Variants in CDH19 observed in about 807,000 individuals in gnomAD.
CDH19 encodes the protein cadherin-19.
In CDH19, 67 loss-of-function variants were observed where a neutral mutation model predicts 64.2. The observed-to-expected ratio is 1.04, with a 90% confidence interval of 0.86 to 1.28. CDH19 has a LOEUF of 1.28. CDH19 is among the 50% of genes most tolerant of loss of function. The pLI, the probability that CDH19 is intolerant of heterozygous loss-of-function variation, is 0.00. For synonymous variants in CDH19, 346 were observed against 319.3 expected (o/e 1.08, Z -0.89); for missense variants, 1,030 against 929.0 (o/e 1.11, Z -1.41).
intron 9 of CDH19, among the ~76,000 whole-genome samples, chr18:66,523,359 T>C (rs1349666798): frequency 6.6e-6 from 1 of 152,026 alleles, no homozygotes; most frequent in Non-Finnish European, 1.5e-5. Context: ...TCTGAGAAAA[T>C]ATCAGAGGAC....
intron 1 of CDH19, chr18:66,596,290 T>A (rs1232668447): frequency 6.6e-6 from 1 of 152,122 alleles, no homozygotes; most frequent in East Asian, 1.9e-4. Context: ...CTATTTAATA[T>A]AGCTGTGGAA....
rs903101587 is a variant in CDH19 at position 66,553,058 on chromosome 18, C to T, written c.610+1347G>A. ...CGTGTATTCTGCCTTGACCACACAACATAAAGTCAACCTGACTTGTTTTCT... is the reference window on the plus strand; with the variant it reads ...CGTGTATTCTGCCTTGACCACACAATATAAAGTCAACCTGACTTGTTTTCT... On this transcript the variant is annotated intron_variant, in intron 4 of 11. Transcript: ENST00000262150. Among the ~76,000 whole-genome samples, 7 of 134,436 alleles carry T rather than the reference C, an allele frequency of 5.2e-5. 1 individual carries two copies. The highest frequency in any genetic ancestry group is 1.4e-4 in the Admixed American group (2 of 13,896). The allele number at this position is 134,436 out of a possible 152,430, so 88.2% of individuals were successfully genotyped here. A position where few individuals can be genotyped will look rare whatever the true frequency, so the allele number is the denominator to read the frequency against.
intron 9 of CDH19, among the ~76,000 whole-genome samples, chr18:66,520,835 C>T (rs1227719006): frequency 6.6e-6 from 1 of 151,958 alleles, no homozygotes; most frequent in Non-Finnish European, 1.5e-5. Context: ...GAAAACGTTG[C>T]TCCTGTAGGA....
At position 66,568,581 on chromosome 18, in the gene CDH19, C is replaced by G; in HGVS notation, c.325G>C (p.Glu109Gln). 1 of 1,612,132 alleles carries G rather than the reference C, an allele frequency of 6.2e-7. No homozygotes were observed. The highest frequency in any genetic ancestry group is 1.3e-5 in the African/African-American group (1 of 74,856). Reference sequence around the variant, plus strand: ...GCTCTTAAGATGTAGAGGGATCGCTCCTCTCTATCAAGCTTCTGTATGGCA... The same window carrying G: ...GCTCTTAAGATGTAGAGGGATCGCTGCTCTCTATCAAGCTTCTGTATGGCA... Reference protein sequence around the residue: ...IYAIQKLDREERSLYILRAQV... With the variant: ...IYAIQKLDREQRSLYILRAQV... Residue 109 changes from glutamate (E) to glutamine (Q), a missense_variant, in exon 3 of 12, where the codon GAG becomes CAG. Transcript: ENST00000262150.
chr18:66,504,897 T>C lies in CDH19; in HGVS notation c.2234A>G (p.Glu745Gly), dbSNP rs1350150587. The stretch of plus-strand genomic sequence containing the variant: ...CAACTCATTAAGGTAATCATAGCTT[T>C]CATCCTGATCAGAGACTGCTGATTC... ...SLESAVSDQD[E>G]SYDYLNELGP... Residue 745 changes from glutamate to glycine, a missense_variant, in exon 12 of 12, where the codon GAA (glutamate) becomes GGA (glycine). Coordinates refer to ENST00000262150, the MANE Select transcript of CDH19 (RefSeq NM_021153.4). The C allele has an allele frequency of 2.5e-6, 4 of 1,613,368 alleles. No homozygotes were observed. Among genetic ancestry groups the C allele is most frequent in the Non-Finnish European group, 3.4e-6 (4 of 1,179,708 alleles).
At chr18:66,521,351 G>A (rs1985973868) in intron 9 of CDH19, among the ~76,000 whole-genome samples, 1 of 151,858 alleles carries the variant, frequency 6.6e-6, no homozygotes, top group Non-Finnish European at 1.5e-5. Flanking sequence ...AGTCACCCAC[G>A]GTATTTACAT....
intron 1 of CDH19, among the ~76,000 whole-genome samples, chr18:66,588,639 G>GATATAT (rs1988652052): frequency 8.8e-6 from 1 of 113,556 alleles, no homozygotes; most frequent in Non-Finnish European, 2.1e-5. Context: ...TATATATATA[G>GATATAT]ATACAGCTCA....
intron 10 of CDH19, among the ~76,000 whole-genome samples, chr18:66,511,072 T>A (rs540965503): frequency 6.6e-6 from 1 of 151,906 alleles, no homozygotes; most frequent in Non-Finnish European, 1.5e-5. Flanking sequence ...TTTGGAACAC[T>A]TAATCCTTAG....
At chr18:66,589,347 A>G (rs1988676640) in intron 1 of CDH19, among the ~76,000 whole-genome samples, 1 of 151,668 alleles carries the variant, frequency 6.6e-6, no homozygotes, top group African/African-American at 2.4e-5. Context: ...TCATTTTCCC[A>G]AGAATTTCTA....
chr18:66,585,474 T>C (rs976656488), intron 1 of CDH19, among the ~76,000 whole-genome samples: 1 of 152,034 alleles, frequency 6.6e-6, no homozygotes, highest in Admixed American at 6.6e-5. Context: ...CCTCTGGTTG[T>C]CTCAGTTGTC....
At chr18:66,516,342 G>C (rs906198122) in intron 9 of CDH19, among the ~76,000 whole-genome samples, 1 of 151,782 alleles carries the variant, frequency 6.6e-6, no homozygotes, top group Non-Finnish European at 1.5e-5. Context: ...ACAACTGCTT[G>C]GTAATCAAAA....
At chr18:66,577,544 T>C (rs1988301252) in intron 1 of CDH19, among the ~76,000 whole-genome samples, 2 of 151,988 alleles carry the variant, frequency 1.3e-5, no homozygotes, top group South Asian at 2.1e-4. Context: ...ATCCATACTT[T>C]ACCGTGCATG....
chr18:66,549,843 T>G (rs1987274489), intron 5 of CDH19, among the ~76,000 whole-genome samples: 1 of 151,996 alleles, frequency 6.6e-6, no homozygotes, highest in Non-Finnish European at 1.5e-5. Flanking sequence ...AATGGAAAAT[T>G]CAGGGTTTAA....
At chr18:66,602,666 A>G (rs542936492) in intron 1 of CDH19, among the ~76,000 whole-genome samples, 1 of 152,012 alleles carries the variant, frequency 6.6e-6, no homozygotes, top group South Asian at 2.1e-4. Flanking sequence ...ATATAATGAT[A>G]TGAGCATTTC....
chr18:66,576,542 T>C (rs1380373044), intron 1 of CDH19, among the ~76,000 whole-genome samples: 1 of 151,622 alleles, frequency 6.6e-6, no homozygotes, highest in African/African-American at 2.4e-5. Context: ...AACAATATCA[T>C]TTCATAAGAA....
chr18:66,539,911 T>C (rs906216323), intron 7 of CDH19, among the ~76,000 whole-genome samples: 5 of 152,134 alleles, frequency 3.3e-5, no homozygotes, highest in Non-Finnish European at 7.4e-5. Flanking sequence ...TGTGTGTGTG[T>C]ATGCTAAGGT....
intron 1 of CDH19, among the ~76,000 whole-genome samples, chr18:66,598,830 CAG>C (rs970828975): frequency 6.6e-6 from 1 of 151,802 alleles, no homozygotes; most frequent in Non-Finnish European, 1.5e-5. Flanking sequence ...CCCTGAAACT[CAG>C]AGTTAGAAAG....
intron 3 of CDH19, among the ~76,000 whole-genome samples, chr18:66,567,715 A>C (rs933009972): frequency 6.6e-6 from 1 of 151,848 alleles, no homozygotes; most frequent in Non-Finnish European, 1.5e-5. Context: ...TGTTAAGTAA[A>C]TTTTTGAATT....
chr18:66,516,133 A>G (rs1985726560), intron 9 of CDH19, among the ~76,000 whole-genome samples: 1 of 151,966 alleles, frequency 6.6e-6, no homozygotes, highest in Admixed American at 6.6e-5. Context: ...TACATCGTGG[A>G]CATATTAAAG....
Sources: allele counts gnomAD v4.1 joint callset (sites outside exome capture counted in the v4.1 genomes callset), GRCh38; gene constraint gnomAD v4.1.1; transcripts MANE v1.5; gene names NCBI Gene and HGNC (gene_info 2026-07-23, HGNC 2026-07-21).